Variants in AFF2 observed in about 807,000 individuals in gnomAD.
AFF2 encodes the protein ALF transcription elongation factor 2.
Under a neutral mutation model 76.9 loss-of-function variants are expected in AFF2, and 14 were observed. That is an observed-to-expected ratio of 0.18 (90% CI 0.12 to 0.28). AFF2 has a LOEUF of 0.28. Among genes scored for constraint, AFF2 ranks in the 10% least tolerant of loss-of-function variants. The pLI is 1.00. For missense variants in AFF2, 868 were observed against 1,001.1 expected (o/e 0.87, Z 1.79); for synonymous variants, 398 against 366.7 (o/e 1.09, Z -0.98).
chrX:148,740,048 T>A (rs782250851), intron 3 of AFF2, among the ~76,000 whole-genome samples: 9 of 111,989 alleles, frequency 8.0e-5, no homozygotes, highest in African/African-American at 2.9e-4. Flanking sequence ...CCTTCATAGG[T>A]TATCTGGTGC....
Position 148,698,233 on chromosome X carries a change from G to T in AFF2, c.1041+35465G>T, listed in dbSNP as rs1008237655. 7.1e-5 allele frequency among the ~76,000 whole-genome samples: 8 copies of T among 112,415 alleles called. No individual in the cohort carries two copies. The Admixed American group carries it at 7.5e-4, about 11-fold the overall frequency. On this transcript the variant is annotated intron_variant, in intron 3 of 20. Transcript: ENST00000370460. ...ACTCAAAATTGTTAGTCTAACTTTTGTTTATTGACTAGAACATCTAAATGG... is the reference window on the plus strand; with the variant it reads ...ACTCAAAATTGTTAGTCTAACTTTTTTTTATTGACTAGAACATCTAAATGG...
intron 3 of AFF2, among the ~76,000 whole-genome samples, chrX:148,775,204 G>A (rs1326095819): frequency 1.8e-5 from 2 of 111,437 alleles, no homozygotes; most frequent in Non-Finnish European, 3.8e-5. Context: ...TATAAGTTCT[G>A]TGTAATATGC....
At chrX:148,691,765 C>T (rs186543340) in intron 3 of AFF2, among the ~76,000 whole-genome samples, 201 of 111,513 alleles carry the variant, frequency 1.8e-3, no homozygotes, top group Non-Finnish European at 3.2e-3. Flanking sequence ...GTAGGTTAGA[C>T]TCATATTCTG....
chrX:148,808,432 G>C (rs2070163938), intron 3 of AFF2, among the ~76,000 whole-genome samples: 1 of 112,288 alleles, frequency 8.9e-6, no homozygotes, highest in African/African-American at 3.2e-5. Context: ...CTGTATTTTA[G>C]ATTCTTTACA....
intron 1 of AFF2, among the ~76,000 whole-genome samples, chrX:148,556,025 AG>A (rs2053048727): frequency 8.9e-6 from 1 of 112,026 alleles, no homozygotes; most frequent in Non-Finnish European, 1.9e-5. Context: ...CAGAAACTGT[AG>A]GTGTGTGTGT....
chrX:148,884,182 C>T (rs1163117953), intron 7 of AFF2, among the ~76,000 whole-genome samples: 3 of 112,179 alleles, frequency 2.7e-5, no homozygotes, highest in Admixed American at 9.4e-5. Context: ...TTCTCCTTCT[C>T]TAAGATCTTC....
At chrX:148,909,142 T>G (rs2071441770) in intron 9 of AFF2, among the ~76,000 whole-genome samples, 1 of 112,193 alleles carries the variant, frequency 8.9e-6, no homozygotes, top group Non-Finnish European at 1.9e-5. Context: ...TTTCTAGGGT[T>G]GATGTGCCAC....
At chrX:148,830,210 C>T (rs180857433) in intron 4 of AFF2, among the ~76,000 whole-genome samples, 1 of 112,108 alleles carries the variant, frequency 8.9e-6, no homozygotes, top group Non-Finnish European at 1.9e-5. Context: ...TCGTTTGGAA[C>T]AGCCAAGCTC....
At chrX:148,638,013 C>T (rs921298818) in intron 1 of AFF2, among the ~76,000 whole-genome samples, 4 of 110,543 alleles carry the variant, frequency 3.6e-5, no homozygotes, top group Non-Finnish European at 5.7e-5. Flanking sequence ...GAATCACTCT[C>T]GGAGGTCTTT....
intron 3 of AFF2, among the ~76,000 whole-genome samples, chrX:148,675,652 C>G (rs1335529070): frequency 1.8e-5 from 2 of 109,231 alleles, no homozygotes; most frequent in Non-Finnish European, 3.8e-5. Context: ...AAGCTGATTT[C>G]CTCTGGGACA....
chrX:148,880,930 G>A (rs1476526415), intron 7 of AFF2, among the ~76,000 whole-genome samples: 1 of 111,982 alleles, frequency 8.9e-6, no homozygotes, highest in Non-Finnish European at 1.9e-5. Flanking sequence ...GAAAGGTATT[G>A]TTAGCTACCT....
intron 3 of AFF2, among the ~76,000 whole-genome samples, chrX:148,723,779 A>G (rs2055121854): frequency 9.0e-6 from 1 of 111,463 alleles, no homozygotes; most frequent in Non-Finnish European, 1.9e-5. Flanking sequence ...TGTGAGCCCA[A>G]GATGTCTGAT....
chrX:148,987,599 T>G, intron 20 of AFF2, 42 bp downstream of exon 20: 1 of 1,092,929 alleles, frequency 9.1e-7, no homozygotes, highest in Non-Finnish European at 1.3e-6. Flanking sequence ...CAGACCATGA[T>G]GGAGTTAACT....
chrX:148,964,213 A>G (rs2072145072), intron 13 of AFF2, among the ~76,000 whole-genome samples: 1 of 112,128 alleles, frequency 8.9e-6, no homozygotes, highest in Admixed American at 9.4e-5. Flanking sequence ...AAGAACTCTC[A>G]GTCTAAAGTG....
intron 8 of AFF2, among the ~76,000 whole-genome samples, chrX:148,887,766 G>A (rs2071176180): frequency 9.0e-6 from 1 of 111,498 alleles, no homozygotes; most frequent in Non-Finnish European, 1.9e-5. Context: ...TGAACTAGGG[G>A]CTCTAAGGTG....
intron 3 of AFF2, among the ~76,000 whole-genome samples, chrX:148,793,648 C>T (rs2124625608): frequency 9.0e-6 from 1 of 111,490 alleles, no homozygotes; most frequent in African/African-American, 3.3e-5. Context: ...TAACAAATCC[C>T]CTGTCATGAG....
chrX:148,801,767 C>T (rs181620708), intron 3 of AFF2, among the ~76,000 whole-genome samples: 14 of 111,622 alleles, frequency 1.3e-4, no homozygotes, highest in Non-Finnish European at 2.4e-4. Flanking sequence ...CAAAACCAAA[C>T]AAAAACCTTG....
At chrX:148,625,164 C>T (rs1157670240) in intron 1 of AFF2, among the ~76,000 whole-genome samples, 2 of 110,927 alleles carry the variant, frequency 1.8e-5, no homozygotes, top group Non-Finnish European at 3.8e-5. Flanking sequence ...GGATTAGCTA[C>T]TCCAAAGAAG....
Position 148,956,590 on chromosome X carries a change from C to T in AFF2, c.2545C>T (p.Pro849Ser), listed in dbSNP as rs372296594. 1 of 1,209,253 alleles carries T rather than the reference C, an allele frequency of 8.3e-7. No homozygotes were observed. Among genetic ancestry groups the T allele is most frequent in the Non-Finnish European group, 1.1e-6 (1 of 894,925 alleles). The change falls in exon 11 of 21, where the codon CCT becomes TCT. Residue 849 changes from proline to serine, a missense_variant. Physicochemically the swap from Pro to Ser is moderately conservative, Grantham distance 74. Around this residue, in one of 6 missense-constraint regions of AFF2, gnomAD observed 532 missense variants for 564.2 expected, o/e 0.94. Transcript: ENST00000370460. ...TAVTAVEKPA[P>S]KGKRKHKPIE... Reference sequence around the variant, plus strand: ...TGTCACAGCTGTGGAGAAACCAGCCCCTAAGGGCAAACGTAAGCACAAGGT... The same window carrying T: ...TGTCACAGCTGTGGAGAAACCAGCCTCTAAGGGCAAACGTAAGCACAAGGT...
Sources: gnomAD v4.1 joint callset for allele counts (sites outside exome capture counted in the v4.1 genomes callset) on GRCh38, gnomAD v4.1.1 for gene constraint, gnomAD v4.1.1 regional missense constraint, MANE v1.5 for transcripts, NCBI Gene and HGNC (gene_info 2026-07-23, HGNC 2026-07-21) for gene names.